The following HARS1 variants were observed in gnomAD, a reference collection of about 807,000 sequenced individuals.
HARS1 encodes the protein histidine--tRNA ligase, cytoplasmic.
A neutral mutation model predicts 63.6 loss-of-function variants in HARS1; 45 were observed. The observed-to-expected ratio is 0.71, with a 90% CI of 0.56 to 0.91. The LOEUF is 0.91. Among genes scored for constraint, HARS1 ranks in the 40% least tolerant of loss-of-function variants. The pLI is 0.00. For synonymous variants in HARS1, 205 were observed against 247.1 expected (o/e 0.83, Z 1.60); for missense variants, 508 against 643.2 (o/e 0.79, Z 2.27).
intron 2 of HARS1, among the ~76,000 whole-genome samples, chr5:140,689,565 C>T (rs1759245263): frequency 6.6e-6 from 1 of 152,138 alleles, no homozygotes; most frequent in African/African-American, 2.4e-5. Flanking sequence ...TCCCAAAGTG[C>T]TGGGATTACA....
At chr5:140,681,633 A>T (rs528218211) in intron 3 of HARS1, among the ~76,000 whole-genome samples, 124 of 151,870 alleles carry the variant, frequency 8.2e-4, no homozygotes, top group African/African-American at 2.7e-3. Context: ...GTGCCACTGC[A>T]CTCCAGCCCA....
intron 2 of HARS1, chr5:140,685,260 A>T (rs552491328): frequency 8.6e-5 from 13 of 152,030 alleles, no homozygotes; most frequent in African/African-American, 3.1e-4. Context: ...GACAGAAAGT[A>T]GAAAGTAGGA....
At chr5:140,674,544 C>A in intron 12 of HARS1, 135 bp downstream of exon 12, 1 of 1,007,920 alleles carries the variant, frequency 9.9e-7, no homozygotes. Context: ...ACCACAGTAA[C>A]AGGTTAAGCC....
chr5:140,680,907 T>A (rs72800922), intron 3 of HARS1, among the ~76,000 whole-genome samples: 67,481 of 150,480 alleles, frequency 0.45, 15,193 homozygotes, highest in African/African-American at 0.46. Flanking sequence ...TTTTTTTTTT[T>A]AAAAAAAAGT....
intron 5 of HARS1, chr5:140,678,345 T>G: frequency 2.9e-6 from 1 of 344,284 alleles, no homozygotes. Context: ...ATTTGATGTA[T>G]CAAAGCTAAT....
At chr5:140,690,825 C>T in intron 2 of HARS1, 30 bp downstream of exon 2, 1 of 1,244,234 alleles carries the variant, frequency 8.0e-7, no homozygotes, top group South Asian at 1.2e-5. Context: ...TAGAGACTTT[C>T]TCAGTGGCTC....
intron 1 of HARS1, 127 bp downstream of exon 1, chr5:140,691,088 C>A (rs926702121): frequency 6.6e-6 from 6 of 907,150 alleles, no homozygotes; most frequent in Non-Finnish European, 1.0e-5. Context: ...TGTCTCCCCA[C>A]GCAGCCCACT....
rs571276090 is a variant in HARS1 at position 140,688,640 on chromosome 5, C to A, written c.180+2215G>T. 2.0e-3 allele frequency among the ~76,000 whole-genome samples: 298 copies of A among 152,100 alleles called. 2 individuals are homozygous for A. Among genetic ancestry groups the A allele is most frequent in the African/African-American group, 6.7e-3 (278 of 41,490 alleles). On this transcript the variant is annotated intron_variant, in intron 2 of 12. Transcript: ENST00000504156. ...AATCAGCTTCAGAATGAAGTCTATG[C>A]GTTGTAATCAGCTGATATGTCTATT... is the stretch of plus-strand genomic sequence containing the variant.
chr5:140,675,220 C>A, intron 10 of HARS1, 87 bp from the exon 11 acceptor site: 1 of 834,220 alleles, frequency 1.2e-6, no homozygotes, highest in South Asian at 1.4e-5. Flanking sequence ...TGAGACCAGG[C>A]CCAACTCAGC....
At chr5:140,674,654 T>C in intron 12 of HARS1, 25 bp downstream of exon 12, 2 of 1,613,936 alleles carry the variant, frequency 1.2e-6, no homozygotes, top group Non-Finnish European at 1.7e-6. Context: ...CTCTGTCCCT[T>C]AGCCTTCCTG....
At chr5:140,689,195 C>T (rs1759220879) in intron 2 of HARS1, among the ~76,000 whole-genome samples, 1 of 152,146 alleles carries the variant, frequency 6.6e-6, no homozygotes, top group African/African-American at 2.4e-5. Context: ...AGACCATCTC[C>T]CCTCTCCTTT....
chr5:140,676,735 G>A lies in HARS1; in HGVS notation c.1113C>T (p.Asp371=), dbSNP rs1314764858. 1 of 1,614,082 alleles carries A rather than the reference G, an allele frequency of 6.2e-7. No individual in the cohort carries two copies. Among genetic ancestry groups the A allele is most frequent in the Non-Finnish European group, 8.5e-7 (1 of 1,180,044 alleles). ...GRYDGLVGMF[D]PKGRKVPCVG... ...CACATGGCACCTTGCGCCCTTTGGG[G>A]TCGAACATGCCCACTAGCCCATCAT... Residue 371 remains aspartate (D), a synonymous_variant, in exon 10 of 13, where the codon GAC becomes GAT. Transcript: ENST00000504156. This position sits in a 1 kb window ranked among gnomAD's most constrained non-coding sequence, Gnocchi z 4.1.
intron 3 of HARS1, 81 bp downstream of exon 3, chr5:140,683,019 C>A: frequency 1.5e-6 from 2 of 1,364,220 alleles, no homozygotes; most frequent in Non-Finnish European, 1.0e-6. Flanking sequence ...CCCTTTGGAC[C>A]CTCACTCTCT....
chr5:140,688,269 A>G (rs1759165066), intron 2 of HARS1, among the ~76,000 whole-genome samples: 1 of 152,218 alleles, frequency 6.6e-6, no homozygotes, highest in African/African-American at 2.4e-5. Context: ...TCTTAACACT[A>G]TAGTATGGAA....
At chr5:140,682,935 C>T in intron 3 of HARS1, 165 bp downstream of exon 3, 1 of 584,172 alleles carries the variant, frequency 1.7e-6, no homozygotes, top group Non-Finnish European at 3.0e-6. Flanking sequence ...AAAGACAGGG[C>T]CTCTCCCTCC....
intron 2 of HARS1, among the ~76,000 whole-genome samples, 186 bp downstream of exon 2, chr5:140,690,669 G>A (rs1455775232): frequency 6.6e-6 from 1 of 152,140 alleles, no homozygotes; most frequent in African/African-American, 2.4e-5. Context: ...CCTAGTTTCT[G>A]CCATCACTTT....
In HARS1 at chr5:140,684,182, T is replaced by C. The variant is rs939629227; in HGVS notation, c.181-963A>G. The C allele has an allele frequency of 7.1e-5, 13 of 182,026 alleles. 1 individual carries two copies. The highest frequency in any genetic ancestry group is 1.1e-4 in the Non-Finnish European group (11 of 95,820). The allele number at this position is 182,026 out of a possible 1,614,324, so 11.3% of individuals were successfully genotyped here. A position where few individuals can be genotyped will look rare whatever the true frequency, so the allele number is the denominator to read the frequency against. On this transcript the variant is annotated intron_variant, in intron 2 of 12. Transcript: ENST00000504156. ...GCAGGTGCCTGTAGTCCCAGCTACTTGGGAGGCTGAGGCAGGAGAATGGCG... is the reference window on the plus strand; with the variant it reads ...GCAGGTGCCTGTAGTCCCAGCTACTCGGGAGGCTGAGGCAGGAGAATGGCG...
rs549455849 is a variant in HARS1 at position 140,679,737 on chromosome 5, A to G, written c.396+51T>C. ...CTCTACCATTCTTAAACCTGAGCCAAGTGAGTGCCAATCCATCCAAAGTCT... is the reference window on the plus strand; with the variant it reads ...CTCTACCATTCTTAAACCTGAGCCAGGTGAGTGCCAATCCATCCAAAGTCT... On this transcript the variant is annotated intron_variant, in intron 4 of 12. Coordinates refer to ENST00000504156, the MANE Select transcript of HARS1 (RefSeq NM_002109.6). This position sits in a 1 kb window ranked among gnomAD's most constrained non-coding sequence, Gnocchi z 4.3. The G allele has an allele frequency of 3.3e-6, 3 of 909,952 alleles. No homozygotes were observed. In the Admixed American group the frequency reaches 5.9e-5, roughly 18 times the overall value. The allele number at this position is 909,952 out of a possible 1,614,324, so 56.4% of individuals were successfully genotyped here. A position where few individuals can be genotyped will look rare whatever the true frequency, so the allele number is the denominator to read the frequency against.
intron 2 of HARS1, among the ~76,000 whole-genome samples, chr5:140,690,061 C>T (rs1055404499): frequency 6.6e-6 from 1 of 152,204 alleles, no homozygotes; most frequent in African/African-American, 2.4e-5. Context: ...TATATCACTT[C>T]CTCAGTTAGC....
Sources: allele counts gnomAD v4.1 joint callset (sites outside exome capture counted in the v4.1 genomes callset), GRCh38; gene constraint gnomAD v4.1.1; non-coding constraint Gnocchi (gnomAD v3.1); transcripts MANE v1.5; gene names NCBI Gene and HGNC (gene_info 2026-07-23, HGNC 2026-07-21).